ATXN7L1: variants seen among roughly 807,000 people sequenced by gnomAD.
ATXN7L1 encodes ataxin-7-like protein 1.
Under a neutral mutation model 70.8 loss-of-function variants are expected in ATXN7L1, and 15 were observed. That is an observed-to-expected ratio of 0.21 (90% confidence interval 0.14 to 0.33). The LOEUF (loss-of-function observed/expected upper bound fraction) is 0.33, where lower values mean the gene tolerates loss of function less well. ATXN7L1 is among the 10% of genes least tolerant of loss of function. The probability of loss-of-function intolerance (pLI) is 1.00; values close to 1 mark genes in which losing one functional copy is unlikely to be tolerated. For synonymous variants in ATXN7L1, 440 were observed against 445.1 expected (o/e 0.99, Z 0.14); for missense variants, 975 against 1,097.1 (o/e 0.89, Z 1.57).
intron 2 of ATXN7L1, among the ~76,000 whole-genome samples, chr7:105,833,462 C>CT (rs771730353): frequency 6.6e-6 from 1 of 152,190 alleles, no homozygotes; most frequent in Non-Finnish European, 1.5e-5. Flanking sequence ...GTACTCACAC[C>CT]ATTTAGAACG....
chr7:105,678,161 A>G, intron 3 of ATXN7L1: 1 of 305,790 alleles, frequency 3.3e-6, no homozygotes, highest in Non-Finnish European at 4.5e-6. Flanking sequence ...GGTCTGAGTT[A>G]TTTTGGTGAA....
At chr7:105,718,496 AG>A (rs1794819236) in intron 3 of ATXN7L1, among the ~76,000 whole-genome samples, 1 of 152,218 alleles carries the variant, frequency 6.6e-6, no homozygotes, top group Non-Finnish European at 1.5e-5. Context: ...TGTTCCAAAG[AG>A]GCAGGGTCAT....
chr7:105,852,664 C>G (rs1183297213), intron 2 of ATXN7L1, among the ~76,000 whole-genome samples: 1 of 151,792 alleles, frequency 6.6e-6, no homozygotes, highest in Non-Finnish European at 1.5e-5. Flanking sequence ...GCTGGCTTAT[C>G]TCGGAAGGAC....
rs753149036 is a variant in ATXN7L1, at chr7:105,613,786, C to T, written c.2472+76G>A. ...AAGCTTGTGTTACCTGTCGGAGCCG[C>T]CCGGCTAAGCAGGGGCGCTGCCCAG... On this transcript the variant is annotated intron_variant, in intron 10 of 11. Coordinates refer to ENST00000419735, the MANE Select transcript of ATXN7L1 (RefSeq NM_020725.2). 1.2e-5 allele frequency: 19 copies of T among 1,548,616 alleles called. No individual in the cohort carries two copies. In the South Asian group the frequency reaches 1.8e-4, roughly 15 times the overall value.
chr7:105,867,104 G>A (rs1163545360), intron 2 of ATXN7L1, among the ~76,000 whole-genome samples: 2 of 152,164 alleles, frequency 1.3e-5, no homozygotes, highest in Non-Finnish European at 1.5e-5. Flanking sequence ...GGAACCGCCG[G>A]CTGAAAGCAT....
At chr7:105,759,054 C>T (rs1342864539) in intron 3 of ATXN7L1, among the ~76,000 whole-genome samples, 3 of 151,786 alleles carry the variant, frequency 2.0e-5, no homozygotes, top group Non-Finnish European at 1.5e-5. Context: ...CCCCATAAAC[C>T]CATGTAACAC....
chr7:105,814,572 T>C (rs1422909908), intron 2 of ATXN7L1, among the ~76,000 whole-genome samples: 1 of 152,118 alleles, frequency 6.6e-6, no homozygotes, highest in Non-Finnish European at 1.5e-5. Flanking sequence ...TTTCAGGCAG[T>C]TGCTTTTTGT....
chr7:105,867,260 T>C (rs751835535), intron 2 of ATXN7L1, among the ~76,000 whole-genome samples: 1 of 152,218 alleles, frequency 6.6e-6, no homozygotes, highest in Non-Finnish European at 1.5e-5. Context: ...CTTTCCGTCA[T>C]GTGCATCCCC....
intron 2 of ATXN7L1, among the ~76,000 whole-genome samples, chr7:105,862,005 C>T (rs1010986352): frequency 6.6e-6 from 1 of 152,142 alleles, no homozygotes; most frequent in African/African-American, 2.4e-5. Context: ...GGTCCTGCCC[C>T]GCTTCTGCAA....
intron 2 of ATXN7L1, among the ~76,000 whole-genome samples, chr7:105,791,655 A>C (rs1805258634): frequency 6.6e-6 from 1 of 152,228 alleles, no homozygotes; most frequent in African/African-American, 2.4e-5. Flanking sequence ...AGAAGAAATT[A>C]AAGAAAAATA....
intron 3 of ATXN7L1, among the ~76,000 whole-genome samples, chr7:105,722,175 ACAT>A (rs1014593508): frequency 7.9e-5 from 12 of 152,322 alleles, no homozygotes; most frequent in African/African-American, 2.9e-4. Context: ...ATGCCCTCAG[ACAT>A]CATGAAGACA....
intron 2 of ATXN7L1, among the ~76,000 whole-genome samples, chr7:105,793,251 G>A (rs549700322): frequency 1.3e-5 from 2 of 152,350 alleles, no homozygotes; most frequent in African/African-American, 4.8e-5. Flanking sequence ...GTTGGGAGCA[G>A]AGGGCTCATT....
At chr7:105,805,082 T>G in intron 2 of ATXN7L1, among the ~76,000 whole-genome samples, 1 of 152,096 alleles carries the variant, frequency 6.6e-6, no homozygotes, top group East Asian at 1.9e-4. Flanking sequence ...ACATACACAC[T>G]TAAAACAACG....
Position 105,733,903 on chromosome 7 carries a change from TCATCCATCATCCATC to T in ATXN7L1, c.355+54686_355+54700del, listed in dbSNP as rs1261127667. 5.6e-4 allele frequency among the ~76,000 whole-genome samples: 54 copies of T among 96,506 alleles called. 1 individual carries two copies. Among genetic ancestry groups the T allele is most frequent in the African/African-American group, 1.9e-3 (48 of 25,136 alleles). 63.3% of individuals were successfully genotyped at this position (96,506 alleles called of 152,430 possible). On this transcript the variant is annotated intron_variant, in intron 3 of 11. Coordinates refer to ENST00000419735, the MANE Select transcript of ATXN7L1 (RefSeq NM_020725.2). The stretch of plus-strand genomic sequence containing the variant: ...CCATCATCCATCATCCATCCATCCA[TCATCCATCATCCATC>T]CATCCATCATCCATCATCCATCCAT...
At chr7:105,868,166 ACAT>A (rs1817747647) in intron 2 of ATXN7L1, among the ~76,000 whole-genome samples, 2 of 152,140 alleles carry the variant, frequency 1.3e-5, no homozygotes, top group South Asian at 4.1e-4. Context: ...GTTTTAGCTT[ACAT>A]AAAATTTCCT....
chr7:105,731,938 C>T (rs890814371), intron 3 of ATXN7L1, among the ~76,000 whole-genome samples: 4 of 151,320 alleles, frequency 2.6e-5, no homozygotes, highest in African/African-American at 9.7e-5. Flanking sequence ...ACTAAAAATA[C>T]AAAAATTAGC....
At chr7:105,823,212 G>A (rs1810403747) in intron 2 of ATXN7L1, among the ~76,000 whole-genome samples, 1 of 152,080 alleles carries the variant, frequency 6.6e-6, no homozygotes. Context: ...GTAGCAGAAG[G>A]TGTTTTCTAT....
intron 2 of ATXN7L1, among the ~76,000 whole-genome samples, chr7:105,835,525 A>G (rs1349868548): frequency 1.3e-5 from 2 of 151,886 alleles, no homozygotes; most frequent in African/African-American, 4.8e-5. Flanking sequence ...ACTCTTTCAG[A>G]CCACGCACTT....
At chr7:105,775,198 G>A (rs1177530361) in intron 3 of ATXN7L1, among the ~76,000 whole-genome samples, 2 of 152,154 alleles carry the variant, frequency 1.3e-5, no homozygotes, top group African/African-American at 4.8e-5. Context: ...CCCTGCAAAG[G>A]AGCAAGGGAA....
Sources: allele counts gnomAD v4.1 joint callset (sites outside exome capture counted in the v4.1 genomes callset), GRCh38; gene constraint gnomAD v4.1.1; transcripts MANE v1.5; gene names NCBI Gene and HGNC (gene_info 2026-07-23, HGNC 2026-07-21).